Variants in TENM4 observed in about 807,000 individuals in gnomAD.
TENM4 encodes teneurin transmembrane protein 4.
TENM4 carries 82 observed loss-of-function variants against 243.3 expected under a neutral mutation model. The ratio of observed to expected loss-of-function variants is 0.34; its 90% CI spans 0.28 to 0.40. The LOEUF is 0.40. TENM4 is among the 10% of genes least tolerant of loss of function. The pLI is 1.00. For missense variants in TENM4, 3,138 were observed against 3,673.3 expected (o/e 0.85, Z 3.77); for synonymous variants, 1,412 against 1,456.3 (o/e 0.97, Z 0.69).
intron 6 of TENM4, among the ~76,000 whole-genome samples, chr11:78,986,789 G>T (rs1857929937): frequency 6.6e-6 from 1 of 152,126 alleles, no homozygotes; most frequent in Admixed American, 6.5e-5. Flanking sequence ...GGCCAGGCTG[G>T]TCTTGAACTC....
intron 3 of TENM4, among the ~76,000 whole-genome samples, chr11:79,173,409 A>G (rs2135121519): frequency 6.6e-6 from 1 of 152,154 alleles, no homozygotes; most frequent in African/African-American, 2.4e-5. Context: ...TCTTCTTGGC[A>G]GTTGGCAACT....
chr11:78,664,219 C>A (rs547785976), intron 32 of TENM4, among the ~76,000 whole-genome samples: 1 of 152,148 alleles, frequency 6.6e-6, no homozygotes, highest in African/African-American at 2.4e-5. Context: ...GCAGTTATCG[C>A]GTGGCAGGAG....
intron 16 of TENM4, among the ~76,000 whole-genome samples, chr11:78,783,083 G>C (rs963108455): frequency 6.6e-6 from 1 of 152,118 alleles, no homozygotes; most frequent in Non-Finnish European, 1.5e-5. Context: ...TTAGAGACAA[G>C]GGGCACTGAG....
chr11:78,687,503 C>CT (rs1858714842), intron 29 of TENM4, among the ~76,000 whole-genome samples: 1 of 152,124 alleles, frequency 6.6e-6, no homozygotes, highest in African/African-American at 2.4e-5. Flanking sequence ...CCCATGAGAA[C>CT]AATTGAGGCA....
intron 4 of TENM4, among the ~76,000 whole-genome samples, chr11:79,075,827 C>T (rs1301391180): frequency 2.0e-5 from 3 of 152,216 alleles, no homozygotes; most frequent in African/African-American, 7.2e-5. Context: ...CAAGCAAAAC[C>T]TGAGTACCAC....
chr11:79,258,904 G>A (rs112860470), intron 2 of TENM4, among the ~76,000 whole-genome samples: 60 of 152,272 alleles, frequency 3.9e-4, no homozygotes, highest in African/African-American at 1.3e-3. Context: ...AAACATGCCC[G>A]AGATGAGCAA....
chr11:79,405,189 TAAC>T (rs1474128050), intron 1 of TENM4, among the ~76,000 whole-genome samples: 1 of 152,142 alleles, frequency 6.6e-6, no homozygotes, highest in Non-Finnish European at 1.5e-5. Context: ...TTATTATTAT[TAAC>T]ATTATTATTA....
At chr11:79,387,838 C>G (rs1008924757) in intron 1 of TENM4, among the ~76,000 whole-genome samples, 1 of 152,142 alleles carries the variant, frequency 6.6e-6, no homozygotes, top group African/African-American at 2.4e-5. Context: ...AACTCCATCT[C>G]TAGAAATAAT....
intron 6 of TENM4, among the ~76,000 whole-genome samples, chr11:78,936,380 CA>C (rs979274328): frequency 3.9e-4 from 59 of 152,080 alleles, no homozygotes; most frequent in African/African-American, 1.3e-3. Flanking sequence ...GAAAGAAAGG[CA>C]AAAGAGAAAG....
chr11:78,931,971 C>A (rs1856679483), intron 6 of TENM4, among the ~76,000 whole-genome samples: 1 of 152,114 alleles, frequency 6.6e-6, no homozygotes, highest in Non-Finnish European at 1.5e-5. Context: ...CCAGCCTGCG[C>A]CACAGAGCAA....
At chr11:78,807,900 G>A (rs765692936) in intron 14 of TENM4, among the ~76,000 whole-genome samples, 45 of 152,176 alleles carry the variant, frequency 3.0e-4, no homozygotes, top group Non-Finnish European at 1.2e-4. Context: ...TATAAAGCAG[G>A]TATGGTAAAG....
chr11:78,769,964 T>A (rs1394423100), intron 18 of TENM4, among the ~76,000 whole-genome samples: 1 of 152,242 alleles, frequency 6.6e-6, no homozygotes, highest in African/African-American at 2.4e-5. Flanking sequence ...TCCCAAAGGT[T>A]AGGATGCTGA....
chr11:79,204,251 A>G (rs547882831), intron 3 of TENM4, among the ~76,000 whole-genome samples: 34 of 152,348 alleles, frequency 2.2e-4, no homozygotes, highest in African/African-American at 8.2e-4. Context: ...TGTACACTTT[A>G]AATGACTGTA....
intron 5 of TENM4, among the ~76,000 whole-genome samples, chr11:79,065,719 G>C: frequency 6.6e-6 from 1 of 152,334 alleles, no homozygotes; most frequent in East Asian, 1.9e-4. Flanking sequence ...AAGTGGGTCT[G>C]TGATGGGGAA....
chr11:79,337,723 A>G (rs1198342390), intron 1 of TENM4, among the ~76,000 whole-genome samples: 1 of 152,204 alleles, frequency 6.6e-6, no homozygotes, highest in South Asian at 2.1e-4. Context: ...TGGTGGGGCC[A>G]TGCTACATTG....
intron 2 of TENM4, among the ~76,000 whole-genome samples, chr11:79,281,542 G>C (rs1274750051): frequency 1.3e-5 from 2 of 152,094 alleles, no homozygotes; most frequent in Non-Finnish European, 2.9e-5. Flanking sequence ...ATCTGCCCCA[G>C]CTTGGAAATC....
At chr11:78,711,133 A>G (rs1380571908) in intron 26 of TENM4, among the ~76,000 whole-genome samples, 1 of 152,190 alleles carries the variant, frequency 6.6e-6, no homozygotes, top group East Asian at 1.9e-4. Flanking sequence ...CTCTCTCAGT[A>G]TTTGAAAATC....
At chr11:79,003,687 C>T (rs772144380) in intron 6 of TENM4, among the ~76,000 whole-genome samples, 52 of 152,088 alleles carry the variant, frequency 3.4e-4, no homozygotes, top group Non-Finnish European at 5.7e-4. Context: ...TACTGGTCTT[C>T]AGTAACTGCT....
intron 1 of TENM4, among the ~76,000 whole-genome samples, chr11:79,409,409 G>A (rs771147275): frequency 2.0e-5 from 3 of 152,116 alleles, no homozygotes; most frequent in Non-Finnish European, 4.4e-5. Context: ...TCATAAGAGT[G>A]AGGCATATTT....
Sources: allele counts gnomAD v4.1 joint callset (sites outside exome capture counted in the v4.1 genomes callset), GRCh38; gene constraint gnomAD v4.1.1; transcripts MANE v1.5; gene names NCBI Gene and HGNC (gene_info 2026-07-23, HGNC 2026-07-21).